Variants in ACACA observed in about 807,000 individuals in gnomAD.
ACACA encodes the protein acetyl-CoA carboxylase alpha.
ACACA carries 103 observed loss-of-function variants against 296.1 expected under a neutral mutation model. The observed-to-expected ratio is 0.35, with a 90% CI of 0.30 to 0.41. The LOEUF (loss-of-function observed/expected upper bound fraction) is 0.41, where lower values mean the gene tolerates loss of function less well. Ranked by LOEUF, ACACA falls within the 10% of genes least tolerant of loss-of-function variation. The probability of loss-of-function intolerance (pLI) is 1.00; values close to 1 mark genes in which losing one functional copy is unlikely to be tolerated. For synonymous variants in ACACA, 953 were observed against 1,038.6 expected (o/e 0.92, Z 1.58); for missense variants, 1,554 against 2,989.7 (o/e 0.52, Z 11.20).
At chr17:37,317,424 G>A (rs1284908072) in intron 3 of ACACA, among the ~76,000 whole-genome samples, 1 of 152,068 alleles carries the variant, frequency 6.6e-6, no homozygotes, top group Non-Finnish European at 1.5e-5. Flanking sequence ...AAATTAGCTG[G>A]GAATAGTGGC....
chr17:37,153,340 C>A (rs1279003248), intron 43 of ACACA, among the ~76,000 whole-genome samples: 1 of 152,172 alleles, frequency 6.6e-6, no homozygotes. Context: ...GATGAACTCC[C>A]AGAAGCACTA....
intron 5 of ACACA, among the ~76,000 whole-genome samples, chr17:37,282,092 G>A (rs572226014): frequency 3.9e-5 from 6 of 152,232 alleles, no homozygotes; most frequent in South Asian, 4.2e-4. Flanking sequence ...CCCCAGTCTC[G>A]GAAATGGGGC....
At chr17:37,218,003 C>T (rs1449235525) in intron 29 of ACACA, among the ~76,000 whole-genome samples, 1 of 151,860 alleles carries the variant, frequency 6.6e-6, no homozygotes, top group Non-Finnish European at 1.5e-5. Flanking sequence ...TATACCTTTT[C>T]TTTATTCTCA....
At chr17:37,327,191 A>G (rs1047819245) in intron 3 of ACACA, among the ~76,000 whole-genome samples, 52 of 152,282 alleles carry the variant, frequency 3.4e-4, no homozygotes, top group Non-Finnish European at 6.9e-4. Flanking sequence ...GAGCATCTGA[A>G]TCAATATCTT....
chr17:37,334,507 G>A (rs1016498477), intron 2 of ACACA, among the ~76,000 whole-genome samples: 1 of 151,740 alleles, frequency 6.6e-6, no homozygotes, highest in Non-Finnish European at 1.5e-5. Flanking sequence ...TGGCTGGAGC[G>A]GAGTCTTGGA....
At chr17:37,183,391 C>A (rs766738924) in intron 39 of ACACA, among the ~76,000 whole-genome samples, 26 of 152,128 alleles carry the variant, frequency 1.7e-4, no homozygotes, top group Non-Finnish European at 3.1e-4. Flanking sequence ...TACACTTTTA[C>A]GTATTTACCC....
chr17:37,343,167 G>A (rs182937671), intron 1 of ACACA, among the ~76,000 whole-genome samples: 10 of 151,846 alleles, frequency 6.6e-5, no homozygotes, highest in African/African-American at 2.2e-4. Context: ...TAGTAGAGAC[G>A]GCGTTTCACC....
chr17:37,379,976 G>A (rs1312591339), intron 1 of ACACA, among the ~76,000 whole-genome samples: 2 of 149,818 alleles, frequency 1.3e-5, no homozygotes, highest in African/African-American at 2.5e-5. Flanking sequence ...ACATGCACAC[G>A]TATGTTTACT....
chr17:37,161,826 GC>G lies in ACACA; in HGVS notation c.5303del (p.Arg1768ProfsTer9). The G allele has an allele frequency of 1.2e-6, 2 of 1,613,746 alleles. No homozygotes were observed. Among genetic ancestry groups the G allele is most frequent in the Non-Finnish European group, 1.7e-6 (2 of 1,180,012 alleles). ...CTACCCAGGCCACATGAAACATATGGCGAATTTCTTCTGCCAGTCCGATTCT... is the reference window on the plus strand; with the variant it reads ...CTACCCAGGCCACATGAAACATATGGGAATTTCTTCTGCCAGTCCGATTCT... ...GARIGLAEEI[R>X]HMFHVAWVDP... On this transcript the variant is annotated frameshift_variant, in exon 42 of 56. Coordinates refer to ENST00000616317, the MANE Select transcript of ACACA (RefSeq NM_198834.3). LOFTEE classifies it high-confidence loss of function.
At chr17:37,127,285 T>C (rs975945977) in intron 47 of ACACA, among the ~76,000 whole-genome samples, 17 of 152,362 alleles carry the variant, frequency 1.1e-4, no homozygotes, top group African/African-American at 4.1e-4. Flanking sequence ...GATCATTTTC[T>C]AATTCTTACT....
Position 37,339,827 on chromosome 17 carries a change from G to C in ACACA, c.62C>G (p.Thr21Ser), listed in dbSNP as rs2048302736. 7.3e-7 allele frequency: 1 copy of C among 1,379,242 alleles called. No individual in the cohort carries two copies. The highest frequency in any genetic ancestry group is 1.4e-5 in the African/African-American group (1 of 72,294). The allele number at this position is 1,379,242 out of a possible 1,614,324, so 85.4% of individuals were successfully genotyped here. A position where few individuals can be genotyped will look rare whatever the true frequency, so the allele number is the denominator to read the frequency against. ...RARSFWKWIS[T>S]QTVRIIRAVR... ...ACCTCTTATAATTCTTACTGTCTGAGTAGATATCCACTTCCAAAAAGACCT... is the reference window on the plus strand; with the variant it reads ...ACCTCTTATAATTCTTACTGTCTGACTAGATATCCACTTCCAAAAAGACCT... Residue 21 changes from threonine to serine, a missense_variant, in exon 2 of 56, where the codon ACT becomes AGT. Thr to Ser is a moderately conservative substitution (Grantham distance 58). Coordinates refer to ENST00000616317, the MANE Select transcript of ACACA (RefSeq NM_198834.3).
rs2080605931 is a variant in ACACA, at chr17:37,244,714, A to T, written c.2616T>A (p.Ser872Arg). 6.2e-7 allele frequency: 1 copy of T among 1,613,854 alleles called. No individual in the cohort carries two copies. The highest frequency in any genetic ancestry group is 1.3e-5 in the African/African-American group (1 of 74,926). The change falls in exon 21 of 56, where the codon AGT becomes AGA. Residue 872 changes from serine (S) to arginine (R), a missense_variant. This residue lies in a region of ACACA where 316 missense variants were observed against 540.9 expected (regional missense o/e 0.58). Transcript: ENST00000616317. ...GTGCCGTGCTCTGGATCCGTGGCAG[A>T]CTACCTGTGTGAAGTTCAGCCTGTC... ...KVQQAELHTG[S>R]LPRIQSTALR...
intron 29 of ACACA, among the ~76,000 whole-genome samples, chr17:37,218,712 G>A (rs894941647): frequency 6.6e-6 from 1 of 152,242 alleles, no homozygotes; most frequent in African/African-American, 2.4e-5. Flanking sequence ...TTACAGGACA[G>A]AGTGGAACAA....
rs1454686979 is a variant in ACACA, at chr17:37,087,403, G to A, written c.7065C>T (p.Ser2355=). Residue 2355 remains serine, a synonymous_variant, in exon 56 of 56, where the codon TCC becomes TCT. Transcript: ENST00000616317. ...VQANPEVAMD[S]IIHMTQHISP... is the part of the protein sequence containing the mutation. ...ATATGTGCTGCGTCATATGGATGAT[G>A]GAATCCATGGCAACCTCTGGATTGG... 1 of 1,614,026 alleles carries A rather than the reference G, an allele frequency of 6.2e-7. No homozygotes were observed. Among genetic ancestry groups the A allele is most frequent in the South Asian group, 1.1e-5 (1 of 91,070 alleles).
At chr17:37,227,114 T>C (rs894639360) in intron 25 of ACACA, among the ~76,000 whole-genome samples, 8 of 152,306 alleles carry the variant, frequency 5.3e-5, no homozygotes, top group African/African-American at 1.9e-4. Flanking sequence ...GCTCCTACTA[T>C]AGAATCCATG....
intron 10 of ACACA, among the ~76,000 whole-genome samples, chr17:37,270,262 T>C (rs938549796): frequency 2.6e-5 from 4 of 152,106 alleles, no homozygotes; most frequent in African/African-American, 9.7e-5. Flanking sequence ...AGACATATGA[T>C]AGAAACTCAG....
At chr17:37,270,168 G>A (rs2082005990) in intron 10 of ACACA, among the ~76,000 whole-genome samples, 1 of 152,154 alleles carries the variant, frequency 6.6e-6, no homozygotes, top group Non-Finnish European at 1.5e-5. Context: ...TATACTGTAG[G>A]CCTGCCATAG....
intron 25 of ACACA, among the ~76,000 whole-genome samples, chr17:37,230,685 C>T (rs1401838855): frequency 6.6e-6 from 1 of 152,164 alleles, no homozygotes; most frequent in Non-Finnish European, 1.5e-5. Context: ...AACTAACATC[C>T]AACAGGAAGT....
intron 3 of ACACA, among the ~76,000 whole-genome samples, chr17:37,315,268 T>C (rs1263987190): frequency 6.6e-6 from 1 of 152,196 alleles, no homozygotes; most frequent in Non-Finnish European, 1.5e-5. Context: ...GGAATCCATA[T>C]TTTTAATAAA....
Sources: allele counts gnomAD v4.1 joint callset (sites outside exome capture counted in the v4.1 genomes callset), GRCh38; gene constraint gnomAD v4.1.1; regional missense constraint gnomAD v4.1.1; transcripts MANE v1.5; gene names NCBI Gene and HGNC (gene_info 2026-07-23, HGNC 2026-07-21).